Variants in FER observed in about 807,000 individuals in gnomAD.
The protein encoded by FER is tyrosine-protein kinase Fer.
Under a neutral mutation model 111.0 loss-of-function variants are expected in FER, and 63 were observed. That is an observed-to-expected ratio of 0.57 (90% CI 0.46 to 0.70). FER has a LOEUF of 0.70. Ranked by LOEUF, FER falls within the 30% of genes least tolerant of loss-of-function variation. The pLI, the probability that FER is intolerant of heterozygous loss-of-function variation, is 0.00. For synonymous variants in FER, 327 were observed against 313.9 expected, an observed-to-expected ratio of 1.04 and a Z score of -0.44; for missense variants, 914 against 954.0, an observed-to-expected ratio of 0.96 and a Z score of 0.55.
At chr5:109,128,228 A>G (rs1332671420) in intron 17 of FER, among the ~76,000 whole-genome samples, 1 of 151,654 alleles carries the variant, frequency 6.6e-6, no homozygotes, top group African/African-American at 2.4e-5. Context: ...GAGATATACA[A>G]GTTTTTTTTT....
intron 17 of FER, among the ~76,000 whole-genome samples, chr5:109,127,860 G>C (rs1029109981): frequency 2.0e-4 from 31 of 152,068 alleles, no homozygotes; most frequent in African/African-American, 7.2e-4. Flanking sequence ...GAAAATCAAT[G>C]TATGTGTTCT....
chr5:108,779,469 A>G (rs1171770735), intron 2 of FER, among the ~76,000 whole-genome samples: 1 of 152,190 alleles, frequency 6.6e-6, no homozygotes, highest in East Asian at 1.9e-4. Context: ...TTCTTTAATC[A>G]AAAGTGTGTA....
At chr5:108,922,114 C>T (rs1753101147) in intron 10 of FER, among the ~76,000 whole-genome samples, 1 of 152,242 alleles carries the variant, frequency 6.6e-6, no homozygotes, top group South Asian at 2.1e-4. Flanking sequence ...AAAGGAATGC[C>T]TGGGGCTACC....
At chr5:109,003,585 G>C (rs1765104899) in intron 13 of FER, among the ~76,000 whole-genome samples, 1 of 151,854 alleles carries the variant, frequency 6.6e-6, no homozygotes, top group South Asian at 2.1e-4. Context: ...CCTGCACGTA[G>C]TGCACATGTA....
chr5:109,065,222 C>G (rs1774936299), intron 16 of FER, among the ~76,000 whole-genome samples: 1 of 151,914 alleles, frequency 6.6e-6, no homozygotes, highest in Admixed American at 6.6e-5. Flanking sequence ...CAGTTTGGAG[C>G]CCATACTGTT....
At chr5:108,801,253 A>G (rs1373181530) in intron 3 of FER, among the ~76,000 whole-genome samples, 1 of 152,188 alleles carries the variant, frequency 6.6e-6, no homozygotes, top group Non-Finnish European at 1.5e-5. Flanking sequence ...TTTGTTGAAA[A>G]CACTAAGCTT....
chr5:108,847,687 A>C (rs1762154246), intron 5 of FER, among the ~76,000 whole-genome samples: 2 of 152,078 alleles, frequency 1.3e-5, no homozygotes, highest in African/African-American at 4.8e-5. Context: ...TTTTGAAACT[A>C]TTATTGGTAT....
In FER at chr5:109,131,811, G is replaced by C. The variant is rs185924036; in HGVS notation, c.2048+31292G>C. On this transcript the variant is annotated intron_variant, in intron 17 of 19. Transcript: ENST00000281092. ...TGATGTGCTCTTAGCTAATAGTTTT[G>C]TTATTAGGTTAAGGGCCTAGGAATC... 1.1e-3 allele frequency among the ~76,000 whole-genome samples: 173 copies of C among 152,156 alleles called. 1 individual carries two copies. The highest frequency in any genetic ancestry group is 4.0e-3 in the African/African-American group (168 of 41,526).
At chr5:109,089,095 T>C (rs923454879) in intron 16 of FER, among the ~76,000 whole-genome samples, 10 of 152,310 alleles carry the variant, frequency 6.6e-5, no homozygotes, top group Non-Finnish European at 8.8e-5. Flanking sequence ...CAGTCAGACT[T>C]TGTTGCTTTA....
At chr5:108,797,439 T>A (rs1258185837) in intron 2 of FER, among the ~76,000 whole-genome samples, 1 of 152,196 alleles carries the variant, frequency 6.6e-6, no homozygotes, top group Non-Finnish European at 1.5e-5. Flanking sequence ...CCCCTCTGGC[T>A]ATGGCTGGTC....
chr5:108,748,083 A>G (rs1749998046), intron 1 of FER, 83 bp downstream of exon 1: 2 of 152,272 alleles, frequency 1.3e-5, no homozygotes, highest in Admixed American at 1.3e-4. Context: ...TTGAGTTTCT[A>G]ACATTTTTAG....
At chr5:108,866,440 TG>T (rs776889724) in intron 5 of FER, among the ~76,000 whole-genome samples, 102 of 151,890 alleles carry the variant, frequency 6.7e-4, no homozygotes, top group Non-Finnish European at 1.1e-3. Flanking sequence ...TGTTGTGGGA[TG>T]GGGGGAAGGG....
chr5:109,037,981 A>T (rs1770634640), intron 14 of FER, among the ~76,000 whole-genome samples: 1 of 151,924 alleles, frequency 6.6e-6, no homozygotes, highest in Non-Finnish European at 1.5e-5. Context: ...CACTTGTTTC[A>T]ATATAAATAT....
chr5:109,092,301 A>C (rs986956269), intron 16 of FER, among the ~76,000 whole-genome samples: 2 of 148,326 alleles, frequency 1.3e-5, no homozygotes, highest in South Asian at 2.1e-4. Flanking sequence ...AAAAAAAAAA[A>C]AAAAAAAAAA....
chr5:108,901,624 C>G (rs1216956337), intron 10 of FER, among the ~76,000 whole-genome samples: 1 of 152,064 alleles, frequency 6.6e-6, no homozygotes, highest in African/African-American at 2.4e-5. Context: ...AAATAAAACC[C>G]TGCCATTTTA....
At chr5:108,930,902 A>G (rs1002203861) in intron 10 of FER, among the ~76,000 whole-genome samples, 6 of 152,026 alleles carry the variant, frequency 3.9e-5, no homozygotes, top group South Asian at 4.2e-4. Context: ...GCGTGAGCCA[A>G]CGCCCCTGGC....
chr5:109,084,829 T>C (rs76607963), intron 16 of FER, among the ~76,000 whole-genome samples: 6,828 of 152,028 alleles, frequency 0.045, 186 homozygotes, highest in South Asian at 0.085. Flanking sequence ...TGTAGTTCTT[T>C]CAACTATCAA....
At chr5:109,084,870 G>T (rs892273871) in intron 16 of FER, among the ~76,000 whole-genome samples, 2 of 151,762 alleles carry the variant, frequency 1.3e-5, no homozygotes, top group Non-Finnish European at 2.9e-5. Context: ...TCCTCATTGA[G>T]TTGCTTCGGT....
chr5:108,839,572 CTTTTTT>C (rs1232820003), intron 5 of FER, among the ~76,000 whole-genome samples: 1 of 94,734 alleles, frequency 1.1e-5, no homozygotes, highest in Non-Finnish European at 2.0e-5. Flanking sequence ...ATGCCATTTT[CTTTTTT>C]TTTTTTTTTT....
Sources: allele counts gnomAD v4.1 joint callset (sites outside exome capture counted in the v4.1 genomes callset), GRCh38; gene constraint gnomAD v4.1.1; transcripts MANE v1.5; gene names NCBI Gene and HGNC (gene_info 2026-07-23, HGNC 2026-07-21).